The following NELL2 variants were observed in gnomAD, a reference collection of about 807,000 sequenced individuals.
NELL2 encodes protein kinase C-binding protein NELL2.
Under a neutral mutation model 109.6 loss-of-function variants are expected in NELL2, and 41 were observed. The ratio of observed to expected loss-of-function variants is 0.37; its 90% confidence interval spans 0.29 to 0.49. The LOEUF (loss-of-function observed/expected upper bound fraction) is 0.49. NELL2 is among the 20% of genes least tolerant of loss of function. NELL2 has a pLI of 0.98. For missense variants in NELL2, 900 were observed against 1,008.3 expected, an observed-to-expected ratio of 0.89 and a Z score of 1.45; for synonymous variants, 355 against 344.7, an observed-to-expected ratio of 1.03 and a Z score of -0.33.
At chr12:44,865,668 T>G (rs1944972949) in intron 2 of NELL2, among the ~76,000 whole-genome samples, 2 of 71,258 alleles carry the variant, frequency 2.8e-5, no homozygotes, top group African/African-American at 5.6e-5. Flanking sequence ...TGTGGTGGGG[T>G]CGGGGGAGGG....
chr12:44,901,450 T>C (rs886112419), intron 1 of NELL2, among the ~76,000 whole-genome samples: 8 of 152,130 alleles, frequency 5.3e-5, no homozygotes, highest in Non-Finnish European at 1.0e-4. Flanking sequence ...ATGGATTCAC[T>C]GCTGAATTCT....
At chr12:44,729,377 A>C (rs749972877) in intron 9 of NELL2, among the ~76,000 whole-genome samples, 17 of 152,054 alleles carry the variant, frequency 1.1e-4, no homozygotes, top group Non-Finnish European at 1.9e-4. Flanking sequence ...AAAGAATCAA[A>C]AGCGTGTCAC....
At chr12:44,741,614 G>C (rs796592004) in intron 9 of NELL2, among the ~76,000 whole-genome samples, 1 of 152,180 alleles carries the variant, frequency 6.6e-6, no homozygotes, top group Admixed American at 6.5e-5. Flanking sequence ...CTAATACTGC[G>C]CTTTTCCAAC....
chr12:44,883,053 TG>T (rs1945434089), intron 1 of NELL2, among the ~76,000 whole-genome samples: 1 of 150,904 alleles, frequency 6.6e-6, no homozygotes, highest in African/African-American at 2.5e-5. Flanking sequence ...GGTGTTATGT[TG>T]GCCAGGCTGA....
intron 1 of NELL2, 140 bp downstream of exon 1, chr12:44,875,675 T>C (rs1310350655): frequency 6.3e-7 from 1 of 1,587,948 alleles, no homozygotes; most frequent in African/African-American, 1.4e-5. Context: ...AAAATCCATA[T>C]CCAAACCCGC....
At chr12:44,805,662 G>T (rs1942975900) in intron 3 of NELL2, among the ~76,000 whole-genome samples, 1 of 151,806 alleles carries the variant, frequency 6.6e-6, no homozygotes, top group Non-Finnish European at 1.5e-5. Flanking sequence ...TAGTAAGGCA[G>T]ATTAAGATGG....
chr12:44,553,750 T>G (rs1423893885), intron 15 of NELL2, among the ~76,000 whole-genome samples: 1 of 152,080 alleles, frequency 6.6e-6, no homozygotes, highest in Non-Finnish European at 1.5e-5. Flanking sequence ...AAGTAGGGTG[T>G]TTTTGAAAGT....
At position 44,532,604 on chromosome 12, in the gene NELL2, G is replaced by A. The variant is rs1157233565; in HGVS notation, c.1781C>T (p.Ser594Leu). The A allele has an allele frequency of 1.9e-6, 3 of 1,613,398 alleles. No homozygotes were observed. Among genetic ancestry groups the A allele is most frequent in the South Asian group, 1.1e-5 (1 of 91,040 alleles). ...RDGYHDNGMF[S>L]PSGESCEDID... ...ACCTTCACACGATTCTCCACTTGGTGAAAACATCCCATTGTCATGGTAGCC... is the reference window on the plus strand; with the variant it reads ...ACCTTCACACGATTCTCCACTTGGTAAAAACATCCCATTGTCATGGTAGCC... The change falls in exon 16 of 20, where the codon TCA becomes TTA. Residue 594 changes from serine (S) to leucine (L), a missense_variant. Physicochemically the swap from Ser to Leu is moderately radical, Grantham distance 145 (BLOSUM62 -2). Transcript: ENST00000429094.
chr12:44,814,412 T>A (rs1852979130), intron 3 of NELL2, among the ~76,000 whole-genome samples: 1 of 152,202 alleles, frequency 6.6e-6, no homozygotes, highest in Non-Finnish European at 1.5e-5. Context: ...TTATTACATG[T>A]GACTCTTGTT....
chr12:44,598,854 T>TAC (rs754118280), intron 15 of NELL2, among the ~76,000 whole-genome samples: 7,764 of 118,344 alleles, frequency 0.066, 625 homozygotes, highest in African/African-American at 0.21. Flanking sequence ...AAGAAAGAAA[T>TAC]ACACACACAC....
intron 16 of NELL2, among the ~76,000 whole-genome samples, chr12:44,528,788 G>A (rs1941915283): frequency 6.6e-6 from 1 of 152,138 alleles, no homozygotes; most frequent in Non-Finnish European, 1.5e-5. Context: ...GTCAGAGGTG[G>A]GAGACTATTT....
At chr12:44,524,166 CCT>C (rs1484818767) in intron 16 of NELL2, among the ~76,000 whole-genome samples, 2 of 152,128 alleles carry the variant, frequency 1.3e-5, no homozygotes, top group Non-Finnish European at 2.9e-5. Context: ...CATTTTGTCC[CCT>C]GTCTAACTCA....
At chr12:44,742,786 G>C (rs1940068166) in intron 9 of NELL2, among the ~76,000 whole-genome samples, 1 of 152,186 alleles carries the variant, frequency 6.6e-6, no homozygotes, top group Admixed American at 6.5e-5. Context: ...AAGCCTCCAA[G>C]AAAATGGGAC....
At chr12:44,545,367 G>C (rs1942749695) in intron 15 of NELL2, among the ~76,000 whole-genome samples, 1 of 151,958 alleles carries the variant, frequency 6.6e-6, no homozygotes, top group Non-Finnish European at 1.5e-5. Context: ...TTTAAGAAAG[G>C]GTGCTACAAA....
intron 18 of NELL2, among the ~76,000 whole-genome samples, chr12:44,521,567 G>A (rs1200781647): frequency 6.6e-6 from 1 of 150,990 alleles, no homozygotes; most frequent in Non-Finnish European, 1.5e-5. Flanking sequence ...TGGGGGAGGC[G>A]GAGTTGCTTT....
chr12:44,914,350 C>T (rs1945810386), upstream of NELL2, among the ~76,000 whole-genome samples: 1 of 152,192 alleles, frequency 6.6e-6, no homozygotes, highest in Non-Finnish European at 1.5e-5. Context: ...GCAGCCAGAC[C>T]TTTACAGTTG....
At position 44,532,562 on chromosome 12, in the gene NELL2, G is replaced by T; in HGVS notation, c.1804+19C>A. ...TTCAAGAGAAGTTCTTAAATTCTAG[G>T]TCTTCTCCTTGTACTGACCTTCACA... On this transcript the variant is annotated intron_variant, in intron 16 of 19. Coordinates refer to ENST00000429094, the MANE Select transcript of NELL2 (RefSeq NM_001145108.2). 1 of 1,603,392 alleles carries T rather than the reference G, an allele frequency of 6.2e-7. No homozygotes were observed. Among genetic ancestry groups the T allele is most frequent in the Non-Finnish European group, 8.5e-7 (1 of 1,175,482 alleles).
chr12:44,911,565 G>A (rs1447440921), intron 1 of NELL2, among the ~76,000 whole-genome samples: 7 of 151,640 alleles, frequency 4.6e-5, no homozygotes, highest in African/African-American at 1.2e-4. Context: ...TACAAAATTC[G>A]TATGGGCATC....
intron 2 of NELL2, among the ~76,000 whole-genome samples, chr12:44,857,564 C>A (rs868463507): frequency 2.0e-5 from 3 of 152,148 alleles, no homozygotes; most frequent in Non-Finnish European, 4.4e-5. Flanking sequence ...TACCAAGGAA[C>A]GCCAAGGTTA....
Sources: gnomAD v4.1 joint callset for allele counts (sites outside exome capture counted in the v4.1 genomes callset) on GRCh38, gnomAD v4.1.1 for gene constraint, MANE v1.5 for transcripts, NCBI Gene and HGNC (gene_info 2026-07-23, HGNC 2026-07-21) for gene names.